Variants in XPO5 observed in about 807,000 individuals in gnomAD.
The protein encoded by XPO5 is exportin 5, also known as exportin-5.
XPO5 carries 46 observed loss-of-function variants against 160.6 expected under a neutral mutation model. That is an observed-to-expected ratio of 0.29 (90% confidence interval 0.23 to 0.37). The LOEUF (loss-of-function observed/expected upper bound fraction) is 0.37. Among genes scored for constraint, XPO5 ranks in the 10% least tolerant of loss-of-function variants. XPO5 has a pLI of 1.00. For missense variants in XPO5, 1,090 were observed against 1,463.9 expected, an observed-to-expected ratio of 0.74 and a Z score of 4.17; for synonymous variants, 537 against 519.3, an observed-to-expected ratio of 1.03 and a Z score of -0.46.
chr6:43,553,292 A>C, intron 14 of XPO5, 81 bp downstream of exon 14: 2 of 1,486,104 alleles, frequency 1.3e-6, no homozygotes, highest in Non-Finnish European at 1.8e-6. Flanking sequence ...ACAGAGAGAT[A>C]TAGCGTCCCA....
intron 13 of XPO5, among the ~76,000 whole-genome samples, chr6:43,554,638 G>C (rs1186256442): frequency 6.6e-6 from 1 of 151,852 alleles, no homozygotes; most frequent in Non-Finnish European, 1.5e-5. Flanking sequence ...TGGCCAGGCT[G>C]GTCTTGAACT....
At chr6:43,551,130 C>T (rs1268972016) in intron 15 of XPO5, 168 bp downstream of exon 15, 5 of 583,138 alleles carry the variant, frequency 8.6e-6, no homozygotes, top group African/African-American at 7.7e-5. Flanking sequence ...GTTGTGCATG[C>T]TTGTAGTCTC....
chr6:43,557,412 C>T (rs138895913), intron 12 of XPO5, among the ~76,000 whole-genome samples: 1,990 of 151,368 alleles, frequency 0.013, 22 homozygotes, highest in Non-Finnish European at 0.021. Flanking sequence ...GGCGACAGAG[C>T]GAGACTCCAT....
intron 13 of XPO5, among the ~76,000 whole-genome samples, chr6:43,554,661 T>C (rs1761946680): frequency 6.6e-6 from 1 of 151,924 alleles, no homozygotes; most frequent in East Asian, 1.9e-4. Context: ...TGACCTCAGG[T>C]GATCCCCAGC....
intron 17 of XPO5, 130 bp from the exon 18 acceptor site, chr6:43,548,590 G>T: frequency 1.3e-6 from 1 of 782,128 alleles, no homozygotes. Flanking sequence ...GTTATTATTT[G>T]GTAATTCTGT....
At chr6:43,534,056 A>G in intron 20 of XPO5, 49 bp from the exon 21 acceptor site, 1 of 1,456,216 alleles carries the variant, frequency 6.9e-7, no homozygotes, top group South Asian at 1.1e-5. Flanking sequence ...ATGCAGAAGG[A>G]AAGAGTGGGT....
At chr6:43,571,064 T>C in intron 3 of XPO5, 70 bp from the exon 4 acceptor site, 1 of 1,501,882 alleles carries the variant, frequency 6.7e-7, no homozygotes, top group Non-Finnish European at 8.9e-7. Context: ...AAAGCTGGGC[T>C]GTAGAGTTGT....
intron 20 of XPO5, 67 bp from the exon 21 acceptor site, chr6:43,534,074 G>T: frequency 1.6e-6 from 2 of 1,242,904 alleles, no homozygotes; most frequent in Non-Finnish European, 2.3e-6. Context: ...GGTTTTGCTT[G>T]TAATCCAGTG....
At chr6:43,574,568 C>G (rs1299595272) in intron 1 of XPO5, among the ~76,000 whole-genome samples, 1 of 151,582 alleles carries the variant, frequency 6.6e-6, no homozygotes, top group Non-Finnish European at 1.5e-5. Flanking sequence ...ATGCTACGGC[C>G]AACAGTAGCC....
chr6:43,571,552 C>T (rs1763008430), intron 3 of XPO5, among the ~76,000 whole-genome samples: 1 of 152,180 alleles, frequency 6.6e-6, no homozygotes, highest in Non-Finnish European at 1.5e-5. Context: ...GTAATCTCAG[C>T]ATTTTGGAAA....
chr6:43,534,226 A>G (rs1794175161), intron 20 of XPO5, among the ~76,000 whole-genome samples: 1 of 152,210 alleles, frequency 6.6e-6, no homozygotes, highest in African/African-American at 2.4e-5. Context: ...AAGATAAATT[A>G]ACATGAGAAC....
chr6:43,573,695 C>T lies in XPO5; in HGVS notation c.106-94G>A, dbSNP rs567576459. On this transcript the variant is annotated intron_variant, in intron 1 of 31. Coordinates refer to ENST00000265351, the MANE Select transcript of XPO5 (RefSeq NM_020750.3). ...AAGAAACTCCAACCAGGGCCGGGTGCGGTGGCTCACACCTGTCCCAGCACT... is the reference window on the plus strand; with the variant it reads ...AAGAAACTCCAACCAGGGCCGGGTGTGGTGGCTCACACCTGTCCCAGCACT... The T allele has an allele frequency of 4.8e-5, 68 of 1,428,460 alleles. No individual in the cohort carries two copies. In the African/African-American group the frequency reaches 7.6e-4, roughly 16 times the overall value. 88.5% of individuals were successfully genotyped at this position (1,428,460 alleles called of 1,614,324 possible).
chr6:43,541,605 C>T (rs1794693024), intron 20 of XPO5, among the ~76,000 whole-genome samples: 1 of 151,798 alleles, frequency 6.6e-6, no homozygotes, highest in South Asian at 2.1e-4. Context: ...TCCTCTCCAA[C>T]CTGAGGCAAT....
At chr6:43,546,384 T>G (rs532911282) in intron 20 of XPO5, among the ~76,000 whole-genome samples, 187 bp downstream of exon 20, 1 of 152,242 alleles carries the variant, frequency 6.6e-6, no homozygotes, top group African/African-American at 2.4e-5. Flanking sequence ...ACATGGAAAT[T>G]AAGATTTATG....
At chr6:43,561,114 T>G (rs1762392379) in intron 9 of XPO5, 107 bp from the exon 10 acceptor site, 2 of 944,294 alleles carry the variant, frequency 2.1e-6, no homozygotes, top group African/African-American at 1.6e-5. Flanking sequence ...AAAATGTTGT[T>G]TCAAAAGGAC....
intron 27 of XPO5, 65 bp downstream of exon 27, chr6:43,526,620 G>A (rs964732606): frequency 6.3e-7 from 1 of 1,581,184 alleles, no homozygotes; most frequent in East Asian, 2.3e-5. Flanking sequence ...AAACTGACCT[G>A]GTTCAGAAGG....
In XPO5 at chr6:43,560,262, G is replaced by A; in HGVS notation, c.1137C>T (p.Phe379=). ...SSTQMTWGAL[F]RHEILSRDPL... The stretch of plus-strand genomic sequence containing the variant: ...GATCACGGGACAGGATTTCATGCCT[G>A]AAGAGGGCTCCCCAAGTCATCTGAG... The change falls in exon 11 of 32, where the codon TTC becomes TTT. Residue 379 remains phenylalanine, a synonymous_variant. Coordinates refer to ENST00000265351, the MANE Select transcript of XPO5 (RefSeq NM_020750.3). 1 of 1,612,056 alleles carries A rather than the reference G, an allele frequency of 6.2e-7. No homozygotes were observed. The highest frequency in any genetic ancestry group is 1.1e-5 in the South Asian group (1 of 90,644).
intron 15 of XPO5, chr6:43,551,004 G>A (rs533909666): frequency 4.8e-6 from 1 of 208,550 alleles, no homozygotes; most frequent in East Asian, 1.1e-4. Flanking sequence ...CATGGTACCT[G>A]ATCCACAGTA....
chr6:43,546,109 T>G (rs1156671622), intron 20 of XPO5, among the ~76,000 whole-genome samples: 1 of 152,192 alleles, frequency 6.6e-6, no homozygotes, highest in African/African-American at 2.4e-5. Flanking sequence ...TTCCTTTGTT[T>G]AGCATGTTCA....
Sources: allele counts gnomAD v4.1 joint callset (sites outside exome capture counted in the v4.1 genomes callset), GRCh38; gene constraint gnomAD v4.1.1; transcripts MANE v1.5; gene names NCBI Gene and HGNC (gene_info 2026-07-23, HGNC 2026-07-21).